KCTD3: variants seen among roughly 807,000 people sequenced by gnomAD.
KCTD3 encodes BTB/POZ domain-containing protein KCTD3.
A neutral mutation model predicts 85.8 loss-of-function variants in KCTD3; 41 were observed. That is an observed-to-expected ratio of 0.48 (90% CI 0.37 to 0.62). KCTD3 has a LOEUF of 0.62. KCTD3 is among the 20% of genes least tolerant of loss of function. The pLI is 0.00. For missense variants in KCTD3, 724 were observed against 989.9 expected (o/e 0.73, Z 3.60); for synonymous variants, 338 against 345.4 (o/e 0.98, Z 0.24).
Position 215,619,289 on chromosome 1 carries a change from T to C in KCTD3, c.1884T>C (p.Ser628=). ...ATAGCCACTTACGAGAATCAAATTCTAGGTAGGTTAAAGAGTTGGGTATTA... is the reference window on the plus strand; with the variant it reads ...ATAGCCACTTACGAGAATCAAATTCCAGGTAGGTTAAAGAGTTGGGTATTA... The part of the protein sequence containing the change: ...VQHSHLRESN[S]SLQLQHHDTT... The change falls in exon 17 of 18, where the codon TCT becomes TCC. Residue 628 remains serine, a splice_region_variant and synonymous_variant. Transcript: ENST00000259154. The C allele has an allele frequency of 6.2e-7, 1 of 1,612,072 alleles. No individual in the cohort carries two copies. The highest frequency in any genetic ancestry group is 8.5e-7 in the Non-Finnish European group (1 of 1,178,948).
At chr1:215,596,448 G>A (rs1451040825) in intron 10 of KCTD3, among the ~76,000 whole-genome samples, 1 of 152,128 alleles carries the variant, frequency 6.6e-6, no homozygotes, top group African/African-American at 2.4e-5. Context: ...TCCATTGAGT[G>A]GGTATATAGA....
chr1:215,582,531 T>C (rs1291735674), intron 8 of KCTD3, among the ~76,000 whole-genome samples: 1 of 152,112 alleles, frequency 6.6e-6, no homozygotes, highest in East Asian at 1.9e-4. Flanking sequence ...TTATATTTTG[T>C]TTTATTTATT....
At chr1:215,580,665 A>C (rs1481252055) in intron 8 of KCTD3, among the ~76,000 whole-genome samples, 1 of 152,070 alleles carries the variant, frequency 6.6e-6, no homozygotes, top group Non-Finnish European at 1.5e-5. Context: ...GTAGAAGCAC[A>C]AAAGTGGTTG....
rs1571904729 is a variant in KCTD3 at position 215,619,165 on chromosome 1, C to T, written c.1760C>T (p.Pro587Leu). The change falls in exon 17 of 18, where the codon CCA becomes CTA. Residue 587 changes from proline to leucine, a missense_variant. Around this residue, in one of 6 missense-constraint regions of KCTD3, gnomAD observed 136 missense variants for 197.6 expected, o/e 0.69. Transcript: ENST00000259154. ...NKSEDKDVGG[P>L]TEEELLKLLD... The stretch of plus-strand genomic sequence containing the variant: ...TTGTTCTCCTAAGATGTAGGTGGTC[C>T]AACCGAAGAAGAGCTACTCAAATTA... 2 of 1,613,672 alleles carry T rather than the reference C, an allele frequency of 1.2e-6. No homozygotes were observed. The highest frequency in any genetic ancestry group is 1.7e-6 in the Non-Finnish European group (2 of 1,179,772).
intron 1 of KCTD3, among the ~76,000 whole-genome samples, chr1:215,570,301 AT>A (rs949336099): frequency 1.8e-4 from 28 of 152,130 alleles, no homozygotes; most frequent in African/African-American, 6.5e-4. Flanking sequence ...GAAATGACTA[AT>A]TTTTATGGTT....
intron 14 of KCTD3, among the ~76,000 whole-genome samples, chr1:215,610,053 G>A (rs1655169078): frequency 6.6e-6 from 1 of 151,908 alleles, no homozygotes; most frequent in South Asian, 2.1e-4. Flanking sequence ...GTAAGATAAA[G>A]GGGACAGGGA....
At chr1:215,582,478 A>G (rs1366398668) in intron 8 of KCTD3, among the ~76,000 whole-genome samples, 1 of 152,216 alleles carries the variant, frequency 6.6e-6, no homozygotes, top group Non-Finnish European at 1.5e-5. Context: ...ACTAGGCAGC[A>G]GTAAGATGAT....
chr1:215,569,366 G>T (rs867838423), intron 1 of KCTD3, among the ~76,000 whole-genome samples: 8 of 151,812 alleles, frequency 5.3e-5, no homozygotes, highest in Admixed American at 2.0e-4. Flanking sequence ...TGATGCTCCC[G>T]CCTCGGCTTC....
intron 1 of KCTD3, among the ~76,000 whole-genome samples, chr1:215,570,732 A>G (rs1039186360): frequency 6.6e-6 from 1 of 152,212 alleles, no homozygotes; most frequent in African/African-American, 2.4e-5. Context: ...TTAGATTGCT[A>G]CCAAGTTAAT....
intron 9 of KCTD3, 110 bp downstream of exon 9, chr1:215,586,795 G>A: frequency 1.2e-6 from 1 of 814,236 alleles, no homozygotes; most frequent in Non-Finnish European, 1.9e-6. Context: ...GTTAGCTAGA[G>A]CTGTCACAGT....
At chr1:215,583,629 C>A (rs1016436668) in intron 8 of KCTD3, among the ~76,000 whole-genome samples, 9 of 152,122 alleles carry the variant, frequency 5.9e-5, no homozygotes, top group Admixed American at 5.9e-4. Context: ...TTTACTCAGT[C>A]CCCATTCAAC....
intron 4 of KCTD3, among the ~76,000 whole-genome samples, chr1:215,577,468 A>C (rs1178288256): frequency 6.6e-6 from 1 of 152,164 alleles, no homozygotes; most frequent in East Asian, 1.9e-4. Flanking sequence ...TTAAGTAGAT[A>C]ACAGAATATT....
chr1:215,611,759 C>A, intron 14 of KCTD3, 66 bp from the exon 15 acceptor site: 1 of 1,024,160 alleles, frequency 9.8e-7, no homozygotes, highest in South Asian at 1.6e-5. Context: ...TATTAATGTT[C>A]CTTTTGTAAA....
chr1:215,614,429 TATTA>T (rs1388078548), intron 15 of KCTD3, among the ~76,000 whole-genome samples: 1 of 152,242 alleles, frequency 6.6e-6, no homozygotes, highest in Non-Finnish European at 1.5e-5. Flanking sequence ...ATTTTAACAA[TATTA>T]ATTCTTTCTA....
chr1:215,612,618 G>A (rs1655274950), intron 15 of KCTD3, among the ~76,000 whole-genome samples: 1 of 152,136 alleles, frequency 6.6e-6, no homozygotes, highest in South Asian at 2.1e-4. Context: ...TAGTGAATTT[G>A]CTGGCAGACG....
intron 14 of KCTD3, among the ~76,000 whole-genome samples, chr1:215,609,404 T>C (rs1177488225): frequency 6.6e-6 from 1 of 152,012 alleles, no homozygotes; most frequent in African/African-American, 2.4e-5. Flanking sequence ...TGGGTAAGAA[T>C]AGTAAGACAT....
intron 13 of KCTD3, among the ~76,000 whole-genome samples, chr1:215,605,009 T>A (rs1654963639): frequency 6.6e-6 from 1 of 152,166 alleles, no homozygotes; most frequent in Admixed American, 6.6e-5. Flanking sequence ...CAAAGTAAAA[T>A]TCTATTGAAG....
rs948387530 is a variant in KCTD3 at position 215,579,216 on chromosome 1, A to G, written c.535+79A>G. The G allele has an allele frequency of 5.5e-6, 7 of 1,261,798 alleles. No individual in the cohort carries two copies. The African/African-American group carries it at 6.2e-5, about 11-fold the overall frequency. The allele number at this position is 1,261,798 out of a possible 1,614,324, so 78.2% of individuals were successfully genotyped here. On this transcript the variant is annotated intron_variant, in intron 7 of 17. Coordinates refer to ENST00000259154, the MANE Select transcript of KCTD3 (RefSeq NM_016121.5). Reference sequence around the variant, plus strand: ...GGGTGATATTGAGTAATTACTTTTAAAGATTTTTGCCTCATCTCCTTTTTT... The same window carrying G: ...GGGTGATATTGAGTAATTACTTTTAGAGATTTTTGCCTCATCTCCTTTTTT...
At chr1:215,619,366 T>G in intron 17 of KCTD3, 75 bp downstream of exon 17, 1 of 1,226,242 alleles carries the variant, frequency 8.2e-7, no homozygotes, top group Admixed American at 2.1e-5. Flanking sequence ...TGTAATCACA[T>G]AGTTGTTCTA....
Sources: allele counts gnomAD v4.1 joint callset (sites outside exome capture counted in the v4.1 genomes callset), GRCh38; gene constraint gnomAD v4.1.1; regional missense constraint gnomAD v4.1.1; transcripts MANE v1.5; gene names NCBI Gene and HGNC (gene_info 2026-07-23, HGNC 2026-07-21).